PCNX1: variants seen among roughly 807,000 people sequenced by gnomAD.
PCNX1 encodes the protein pecanex-like protein 1.
PCNX1 carries 78 observed loss-of-function variants against 242.2 expected under a neutral mutation model. That is an observed-to-expected ratio of 0.32 (90% CI 0.27 to 0.39). The LOEUF is 0.39. Ranked by LOEUF, PCNX1 falls within the 10% of genes least tolerant of loss-of-function variation. The pLI is 1.00. For missense variants in PCNX1, 2,581 were observed against 2,856.5 expected (o/e 0.90, Z 2.20); for synonymous variants, 1,024 against 1,032.9 (o/e 0.99, Z 0.17).
chr14:70,968,975 C>A, intron 4 of PCNX1, 46 bp from the exon 5 acceptor site: 1 of 1,083,784 alleles, frequency 9.2e-7, no homozygotes, highest in Non-Finnish European at 1.4e-6. Context: ...ACCCTACAGC[C>A]TTACTGTTAA....
intron 8 of PCNX1, among the ~76,000 whole-genome samples, chr14:71,007,846 T>C (rs1236309197): frequency 6.6e-6 from 1 of 152,192 alleles, no homozygotes. Context: ...AAAAAAACTT[T>C]CAGTGATACA....
chr14:70,956,867 G>C (rs766157770), intron 2 of PCNX1, among the ~76,000 whole-genome samples: 1 of 152,082 alleles, frequency 6.6e-6, no homozygotes, highest in African/African-American at 2.4e-5. Context: ...AGTAAGAGGA[G>C]AATAATAACT....
In PCNX1 at chr14:71,113,801, T is replaced by TTA. The variant is rs1357092485; in HGVS notation, c.*3870_*3871dup. The TTA allele has an allele frequency of 5.3e-5, 8 of 152,190 alleles. No homozygotes were observed. Among genetic ancestry groups the TTA allele is most frequent in the Non-Finnish European group, 4.4e-5 (3 of 68,024 alleles). 9.4% of individuals were successfully genotyped at this position (152,190 alleles called of 1,614,324 possible). On this transcript the variant is annotated 3_prime_UTR_variant, in exon 36 of 36. Transcript: ENST00000304743. ...CTGCTGTCCAGATTGTTAATTTCAT[T>TTA]TATATTTATTTTAATTAATTTGTCA...
chr14:70,919,732 C>A (rs1166347226), intron 1 of PCNX1, among the ~76,000 whole-genome samples: 2 of 58,376 alleles, frequency 3.4e-5, no homozygotes, highest in African/African-American at 1.3e-4. Context: ...CCCCCCCCAC[C>A]AAATAGGAGA....
At chr14:71,032,842 G>A (rs1288493834) in intron 16 of PCNX1, among the ~76,000 whole-genome samples, 1 of 152,188 alleles carries the variant, frequency 6.6e-6, no homozygotes, top group African/African-American at 2.4e-5. Context: ...ACGTGTGGTT[G>A]GCTTTGGAAG....
intron 5 of PCNX1, among the ~76,000 whole-genome samples, chr14:70,976,577 G>A (rs1334877592): frequency 1.3e-5 from 2 of 151,992 alleles, no homozygotes; most frequent in Non-Finnish European, 2.9e-5. Context: ...GTTTCACAGT[G>A]TTAGCCAGGA....
chr14:71,046,967 C>G lies in PCNX1; in HGVS notation c.4022C>G (p.Ala1341Gly). ...TTGATTTATACTGCCTTGTTAGATG[C>G]AGCCACTATGATGTGGTTTGAGAAA... ...LEYNQYEVRN[A>G]ATMMWFEKLH... The change falls in exon 21 of 36, where the codon GCA becomes GGA. Residue 1341 changes from alanine to glycine, a missense_variant. This residue lies in a region of PCNX1 where 432 missense variants were observed against 443.1 expected (regional missense o/e 0.97). Transcript: ENST00000304743. The G allele has an allele frequency of 6.2e-7, 1 of 1,605,282 alleles. No homozygotes were observed. Among genetic ancestry groups the G allele is most frequent in the South Asian group, 1.1e-5 (1 of 89,890 alleles).
chr14:71,004,556 C>A (rs2059600222), intron 8 of PCNX1, among the ~76,000 whole-genome samples: 1 of 152,188 alleles, frequency 6.6e-6, no homozygotes, highest in Non-Finnish European at 1.5e-5. Flanking sequence ...AAACCGTCCT[C>A]CAATCCCCTG....
chr14:71,080,551 A>G (rs1050217815), intron 28 of PCNX1, among the ~76,000 whole-genome samples: 2 of 152,048 alleles, frequency 1.3e-5, no homozygotes, highest in Non-Finnish European at 2.9e-5. Context: ...TATTTCCTTG[A>G]GCAGTGGTTT....
At chr14:71,046,630 T>C (rs1009711800) in intron 20 of PCNX1, among the ~76,000 whole-genome samples, 3 of 152,060 alleles carry the variant, frequency 2.0e-5, no homozygotes, top group African/African-American at 7.2e-5. Flanking sequence ...AATCATACCA[T>C]ATTTTTATTT....
At chr14:70,971,132 T>TTTTTTGTTTTTG in intron 5 of PCNX1, among the ~76,000 whole-genome samples, 1 of 9,984 alleles carries the variant, frequency 1.0e-4, no homozygotes, top group Non-Finnish European at 2.0e-4. Flanking sequence ...TTTTTTTTTT[T>TTTTTTGTTTTTG]TTTTTTTTTT....
chr14:70,952,441 C>G (rs894585326), intron 2 of PCNX1, among the ~76,000 whole-genome samples: 1 of 152,172 alleles, frequency 6.6e-6, no homozygotes, highest in African/African-American at 2.4e-5. Flanking sequence ...TAACCATAAT[C>G]TTGAATTTTT....
intron 1 of PCNX1, among the ~76,000 whole-genome samples, chr14:70,916,230 G>A (rs2056147730): frequency 1.3e-5 from 2 of 152,180 alleles, no homozygotes; most frequent in African/African-American, 4.8e-5. Flanking sequence ...CATGAATTCA[G>A]AGTGTCGAAG....
At chr14:70,937,038 TTG>T (rs2057033728) in intron 1 of PCNX1, among the ~76,000 whole-genome samples, 1 of 151,498 alleles carries the variant, frequency 6.6e-6, no homozygotes, top group Admixed American at 6.6e-5. Context: ...TATTAGCCCT[TTG>T]TCAGATGGAT....
At chr14:71,083,201 C>G (rs997268055) in intron 28 of PCNX1, among the ~76,000 whole-genome samples, 1 of 152,154 alleles carries the variant, frequency 6.6e-6, no homozygotes, top group Admixed American at 6.5e-5. Flanking sequence ...CTGGCTTGTG[C>G]GGTTTCTGCA....
intron 1 of PCNX1, among the ~76,000 whole-genome samples, chr14:70,909,170 T>G (rs972995038): frequency 6.6e-6 from 1 of 152,090 alleles, no homozygotes; most frequent in African/African-American, 2.4e-5. Context: ...TTTCACTAAT[T>G]GGCAGGAAAA....
chr14:70,983,042 A>C (rs1213847720), intron 6 of PCNX1, among the ~76,000 whole-genome samples: 1 of 152,224 alleles, frequency 6.6e-6, no homozygotes, highest in Non-Finnish European at 1.5e-5. Context: ...TTTCATTTGT[A>C]AGGATGTGTC....
chr14:71,044,197 T>G (rs746898198), intron 19 of PCNX1, among the ~76,000 whole-genome samples: 4 of 152,120 alleles, frequency 2.6e-5, no homozygotes, highest in Non-Finnish European at 5.9e-5. Flanking sequence ...AGGCTAGTCC[T>G]CAGGTGCCAG....
intron 26 of PCNX1, among the ~76,000 whole-genome samples, chr14:71,069,948 C>A (rs1317414881): frequency 1.3e-5 from 2 of 152,284 alleles, no homozygotes; most frequent in East Asian, 3.9e-4. Flanking sequence ...AGCATTTGCC[C>A]ATAGTATGAT....
Sources: allele counts gnomAD v4.1 joint callset (sites outside exome capture counted in the v4.1 genomes callset), GRCh38; gene constraint gnomAD v4.1.1; regional missense constraint gnomAD v4.1.1; transcripts MANE v1.5; gene names NCBI Gene and HGNC (gene_info 2026-07-23, HGNC 2026-07-21).